ABCC4: variants seen among roughly 807,000 people sequenced by gnomAD.
ABCC4 encodes the protein ATP binding cassette subfamily C member 4 (PEL blood group), also known as ATP-binding cassette sub-family C member 4.
Under a neutral mutation model 168.5 loss-of-function variants are expected in ABCC4, and 102 were observed. That is an observed-to-expected ratio of 0.61 (90% CI 0.52 to 0.71). The LOEUF (loss-of-function observed/expected upper bound fraction) is 0.71, where lower values mean the gene tolerates loss of function less well. Ranked by LOEUF, ABCC4 falls within the 30% of genes least tolerant of loss-of-function variation. The probability of loss-of-function intolerance (pLI) is 0.00; values close to 1 mark genes in which losing one functional copy is unlikely to be tolerated. For missense variants in ABCC4, 1,402 were observed against 1,605.8 expected (o/e 0.87, Z 2.17); for synonymous variants, 617 against 590.7 (o/e 1.04, Z -0.65).
chr13:95,148,417 A>C (rs1325571447), intron 19 of ABCC4, among the ~76,000 whole-genome samples: 1 of 152,184 alleles, frequency 6.6e-6, no homozygotes, highest in Non-Finnish European at 1.5e-5. Flanking sequence ...CTATTAGAAA[A>C]TAAAGAAAAA....
chr13:95,194,232 G>C (rs556242372), intron 9 of ABCC4, among the ~76,000 whole-genome samples: 33 of 152,170 alleles, frequency 2.2e-4, no homozygotes, highest in Non-Finnish European at 2.9e-5. Context: ...AGAACTACCT[G>C]TCCACTTACC....
chr13:95,049,383 T>C (rs1244153345), intron 27 of ABCC4, among the ~76,000 whole-genome samples: 2 of 152,062 alleles, frequency 1.3e-5, no homozygotes, highest in African/African-American at 4.8e-5. Flanking sequence ...GGCTCACGCC[T>C]GTAATCCCAG....
intron 4 of ABCC4, among the ~76,000 whole-genome samples, chr13:95,220,513 A>C (rs570003098): frequency 7.2e-6 from 1 of 138,466 alleles, no homozygotes; most frequent in African/African-American, 2.6e-5. Context: ...AAGCTTTAAG[A>C]AAATGAAGAG....
intron 20 of ABCC4, among the ~76,000 whole-genome samples, chr13:95,103,867 C>G (rs1423910220): frequency 1.3e-5 from 2 of 152,110 alleles, no homozygotes; most frequent in African/African-American, 4.8e-5. Context: ...TTGTCTCAAA[C>G]CTCCTGATGC....
chr13:95,038,853 G>A (rs1464555175), intron 29 of ABCC4, among the ~76,000 whole-genome samples: 1 of 152,114 alleles, frequency 6.6e-6, no homozygotes, highest in Non-Finnish European at 1.5e-5. Context: ...AGCTGGCCCT[G>A]GAAAACAGAT....
chr13:95,153,541 T>C (rs1344619572), intron 19 of ABCC4, among the ~76,000 whole-genome samples: 3 of 152,184 alleles, frequency 2.0e-5, no homozygotes, highest in African/African-American at 7.2e-5. Context: ...AGGAAAACAA[T>C]TTAACACAGT....
chr13:95,131,494 T>C (rs1473255256), intron 19 of ABCC4, among the ~76,000 whole-genome samples: 1 of 152,080 alleles, frequency 6.6e-6, no homozygotes, highest in Admixed American at 6.5e-5. Flanking sequence ...CTGGGCTTGG[T>C]GGTGCACGAC....
chr13:95,208,393 C>T (rs1314826527), intron 6 of ABCC4, among the ~76,000 whole-genome samples: 1 of 148,492 alleles, frequency 6.7e-6, no homozygotes. Flanking sequence ...CCTCAAAGGA[C>T]AAGGACTATT....
intron 26 of ABCC4, among the ~76,000 whole-genome samples, chr13:95,056,880 T>C (rs1799935590): frequency 6.6e-6 from 1 of 152,246 alleles, no homozygotes; most frequent in African/African-American, 2.4e-5. Context: ...ACAAAGATTA[T>C]AGCTGTTGAT....
chr13:95,301,283 T>C lies in ABCC4; in HGVS notation c.32A>G (p.Asn11Ser), dbSNP rs1275748455. 6.3e-7 allele frequency: 1 copy of C among 1,596,052 alleles called. No homozygotes were observed. The highest frequency in any genetic ancestry group is 1.7e-5 in the Admixed American group (1 of 58,234). MLPVYQEVKP[N>S]PLQDANLCSR... is the part of the protein sequence containing the mutation. Reference sequence around the variant, plus strand: ...GCAGAGGTTCGCGTCCTGCAGCGGGTTGGGCTTCACCTCCTGGTACACGGG... The same window carrying C: ...GCAGAGGTTCGCGTCCTGCAGCGGGCTGGGCTTCACCTCCTGGTACACGGG... The change falls in exon 1 of 31, where the codon AAC becomes AGC. Residue 11 changes from asparagine (N) to serine (S), a missense_variant. By Grantham distance (46) the Asn-to-Ser change is conservative (BLOSUM62 1). This residue lies in a region of ABCC4 where 317 missense variants were observed against 345.5 expected (regional missense o/e 0.92). Coordinates refer to ENST00000645237, the MANE Select transcript of ABCC4 (RefSeq NM_005845.5).
chr13:95,143,601 C>T (rs1438147401), intron 19 of ABCC4, among the ~76,000 whole-genome samples: 1 of 152,098 alleles, frequency 6.6e-6, no homozygotes, highest in African/African-American at 2.4e-5. Context: ...AATGTTCATA[C>T]CAAAGACAGA....
intron 29 of ABCC4, among the ~76,000 whole-genome samples, chr13:95,036,706 T>C (rs1646504233): frequency 6.6e-6 from 1 of 152,124 alleles, no homozygotes; most frequent in Non-Finnish European, 1.5e-5. Flanking sequence ...TTACTAGAAC[T>C]TAAAATTTTA....
intron 19 of ABCC4, among the ~76,000 whole-genome samples, chr13:95,131,231 T>C (rs562265913): frequency 5.9e-5 from 9 of 151,870 alleles, no homozygotes; most frequent in Non-Finnish European, 1.2e-4. Context: ...AATTTTCAAG[T>C]GTAGGATTAA....
intron 20 of ABCC4, among the ~76,000 whole-genome samples, chr13:95,089,359 C>T (rs565968191): frequency 6.6e-6 from 1 of 152,334 alleles, no homozygotes; most frequent in African/African-American, 2.4e-5. Flanking sequence ...GTGACTCACA[C>T]CTGTAATCCC....
intron 1 of ABCC4, among the ~76,000 whole-genome samples, chr13:95,279,252 C>T (rs2041051912): frequency 6.6e-6 from 1 of 152,178 alleles, no homozygotes; most frequent in Admixed American, 6.5e-5. Context: ...GTATGACTCC[C>T]CCTTCTCTAT....
At chr13:95,257,994 A>C (rs1240327897) in intron 1 of ABCC4, among the ~76,000 whole-genome samples, 1 of 152,192 alleles carries the variant, frequency 6.6e-6, no homozygotes, top group Non-Finnish European at 1.5e-5. Flanking sequence ...ATGTGAGCCC[A>C]CACATGCCTG....
intron 20 of ABCC4, among the ~76,000 whole-genome samples, chr13:95,099,330 G>C (rs2034717034): frequency 6.6e-6 from 1 of 152,154 alleles, no homozygotes; most frequent in Non-Finnish European, 1.5e-5. Context: ...ATCTGGAAGA[G>C]GTGTAGAGGT....
chr13:95,177,871 C>T (rs2037760042), intron 12 of ABCC4, 78 bp from the exon 13 acceptor site: 1 of 1,507,688 alleles, frequency 6.6e-7, no homozygotes, highest in Non-Finnish European at 9.2e-7. Context: ...CATTCAAATG[C>T]CAACAGAATA....
intron 20 of ABCC4, among the ~76,000 whole-genome samples, chr13:95,099,205 TG>T (rs1377592588): frequency 7.2e-5 from 11 of 152,110 alleles, no homozygotes; most frequent in Non-Finnish European, 1.0e-4. Context: ...AATGAACCAC[TG>T]AAACATACAC....
Sources: gnomAD v4.1 joint callset for allele counts (sites outside exome capture counted in the v4.1 genomes callset) on GRCh38, gnomAD v4.1.1 for gene constraint, gnomAD v4.1.1 regional missense constraint, MANE v1.5 for transcripts, NCBI Gene and HGNC (gene_info 2026-07-23, HGNC 2026-07-21) for gene names.